LRRC3B: variants seen among roughly 807,000 people sequenced by gnomAD.
The protein encoded by LRRC3B is leucine rich repeat containing 3B, also known as leucine-rich repeat-containing protein 3B.
A neutral mutation model predicts 12.8 loss-of-function variants in LRRC3B; 2 were observed. That is an observed-to-expected ratio of 0.16 (90% CI 0.06 to 0.49). The LOEUF is 0.49. Ranked by LOEUF, LRRC3B falls within the 20% of genes least tolerant of loss-of-function variation. LRRC3B has a pLI of 0.96. For missense variants in LRRC3B, 189 were observed against 319.4 expected (o/e 0.59, Z 3.11); for synonymous variants, 132 against 122.0 (o/e 1.08, Z -0.54).
chr3:26,653,704 G>T (rs1699311865), intron 1 of LRRC3B, among the ~76,000 whole-genome samples: 1 of 152,134 alleles, frequency 6.6e-6, no homozygotes, highest in African/African-American at 2.4e-5. Context: ...TCTGAGTACG[G>T]CTCAGGACCA....
chr3:26,703,580 C>T (rs953805270), intron 1 of LRRC3B, among the ~76,000 whole-genome samples: 11 of 151,910 alleles, frequency 7.2e-5, no homozygotes, highest in East Asian at 1.9e-4. Context: ...GTGTACATTT[C>T]GTGTTCTTTG....
intron 1 of LRRC3B, among the ~76,000 whole-genome samples, chr3:26,623,506 C>T (rs1413044207): frequency 2.0e-5 from 3 of 152,132 alleles, no homozygotes; most frequent in South Asian, 2.1e-4. Flanking sequence ...CGGTGCTCAC[C>T]CCGTGCTGTG....
chr3:26,692,259 T>C (rs1700207545), intron 1 of LRRC3B, among the ~76,000 whole-genome samples: 2 of 152,204 alleles, frequency 1.3e-5, no homozygotes, highest in Admixed American at 6.5e-5. Context: ...GCAAGGTTAA[T>C]ATGGAAACTT....
rs147618814 is a variant in LRRC3B at position 26,707,045 on chromosome 3, G to A, written c.-160-2468G>A. 2.6e-5 allele frequency among the ~76,000 whole-genome samples: 4 copies of A among 152,022 alleles called. No individual in the cohort carries two copies. The East Asian group carries it at 5.8e-4, about 22-fold the overall frequency. ...ACTAAAACTATGGCTAAAAAGCATC[G>A]AACTTTTACTACCAATTTCGTACTG... On this transcript the variant is annotated intron_variant, in intron 1 of 1. Transcript: ENST00000396641.
intron 1 of LRRC3B, among the ~76,000 whole-genome samples, chr3:26,683,064 T>C (rs1385786384): frequency 3.3e-5 from 5 of 152,292 alleles, no homozygotes; most frequent in African/African-American, 1.2e-4. Context: ...TCACACTTAC[T>C]TGGTTACAAG....
intron 1 of LRRC3B, among the ~76,000 whole-genome samples, chr3:26,646,232 T>A (rs1699140608): frequency 6.6e-6 from 1 of 152,172 alleles, no homozygotes; most frequent in South Asian, 2.1e-4. Context: ...CAGGAAGCCT[T>A]CCAACCAGCG....
At chr3:26,653,703 G>A (rs529942828) in intron 1 of LRRC3B, among the ~76,000 whole-genome samples, 50 of 152,190 alleles carry the variant, frequency 3.3e-4, no homozygotes, top group African/African-American at 1.2e-3. Context: ...CTCTGAGTAC[G>A]GCTCAGGACC....
intron 1 of LRRC3B, among the ~76,000 whole-genome samples, chr3:26,671,373 TAGAG>T (rs1195473054): frequency 3.1e-3 from 87 of 28,240 alleles, no homozygotes; most frequent in African/African-American, 3.6e-3. Context: ...TATATATATA[TAGAG>T]AGAGAGAGAG....
At chr3:26,671,742 A>G (rs1699753759) in intron 1 of LRRC3B, among the ~76,000 whole-genome samples, 1 of 152,164 alleles carries the variant, frequency 6.6e-6, no homozygotes, top group South Asian at 2.1e-4. Context: ...CTTTTCTGCA[A>G]ATGAAGAAAA....
At chr3:26,637,053 A>G (rs1478411991) in intron 1 of LRRC3B, among the ~76,000 whole-genome samples, 2 of 146,136 alleles carry the variant, frequency 1.4e-5, no homozygotes, top group South Asian at 2.2e-4. Flanking sequence ...CTGGAGTGCA[A>G]TGGCGTGATC....
At chr3:26,698,787 CTT>C (rs753648123) in intron 1 of LRRC3B, among the ~76,000 whole-genome samples, 4 of 152,076 alleles carry the variant, frequency 2.6e-5, no homozygotes, top group Admixed American at 6.5e-5. Flanking sequence ...CCCCAAAATA[CTT>C]CAGTATGTTC....
chr3:26,627,232 C>T (rs1370610886), intron 1 of LRRC3B, among the ~76,000 whole-genome samples: 1 of 152,178 alleles, frequency 6.6e-6, no homozygotes. Context: ...TGTCTTTTCT[C>T]TGTAGCTGTA....
intron 1 of LRRC3B, among the ~76,000 whole-genome samples, chr3:26,652,180 T>C (rs1662593102): frequency 6.6e-6 from 1 of 152,162 alleles, no homozygotes; most frequent in Admixed American, 6.5e-5. Context: ...CCAGCTAAGG[T>C]AATGTTTCGC....
At chr3:26,674,348 T>C (rs912826815) in intron 1 of LRRC3B, among the ~76,000 whole-genome samples, 1 of 152,200 alleles carries the variant, frequency 6.6e-6, no homozygotes, top group Non-Finnish European at 1.5e-5. Context: ...AACATTAACA[T>C]GAAACTAAAT....
intron 1 of LRRC3B, among the ~76,000 whole-genome samples, chr3:26,691,105 G>GTATATATATATATATATATA (rs1553605090): frequency 1.1e-4 from 9 of 84,828 alleles, no homozygotes; most frequent in Non-Finnish European, 1.8e-4. Context: ...GTGTGTGTGT[G>GTATATATATATATATATATA]TATATATATA....
At position 26,668,281 on chromosome 3, in the gene LRRC3B, G is replaced by A. The variant is rs576813169; in HGVS notation, c.-160-41232G>A. ...GCAAGCAAGAAAGCTATGAGGGGCC[G>A]TTAACAGAGCCAGAGCTGGTTACTT... is the stretch of plus-strand genomic sequence containing the variant. On this transcript the variant is annotated intron_variant, in intron 1 of 1. Coordinates refer to ENST00000396641, the Ensembl canonical transcript of LRRC3B. 1.2e-4 allele frequency among the ~76,000 whole-genome samples: 18 copies of A among 152,238 alleles called. No individual in the cohort carries two copies. In the East Asian group the frequency reaches 3.3e-3, roughly 28 times the overall value.
chr3:26,651,686 T>G (rs951749447), intron 1 of LRRC3B, among the ~76,000 whole-genome samples: 5 of 152,208 alleles, frequency 3.3e-5, no homozygotes, highest in African/African-American at 1.2e-4. Context: ...TCATTTGAAG[T>G]GGGTAAAAAG....
chr3:26,671,262 G>A (rs56235459), intron 1 of LRRC3B, among the ~76,000 whole-genome samples: 4,657 of 144,886 alleles, frequency 0.032, 109 homozygotes, highest in Middle Eastern at 0.071. Flanking sequence ...TGATCCGCCC[G>A]CCTCGGCCTC....
At chr3:26,671,974 A>G (rs1488836273) in intron 1 of LRRC3B, among the ~76,000 whole-genome samples, 1 of 152,222 alleles carries the variant, frequency 6.6e-6, no homozygotes, top group Non-Finnish European at 1.5e-5. Flanking sequence ...TGGAAACTCT[A>G]GTAAAGTAAC....
Sources: gnomAD v4.1 joint callset for allele counts (sites outside exome capture counted in the v4.1 genomes callset) on GRCh38, gnomAD v4.1.1 for gene constraint, MANE v1.5 for transcripts, NCBI Gene and HGNC (gene_info 2026-07-23, HGNC 2026-07-21) for gene names.